Variants in SND1 observed in about 807,000 individuals in gnomAD.
SND1 encodes staphylococcal nuclease and tudor domain containing 1, also known as staphylococcal nuclease domain-containing protein 1.
SND1 carries 38 observed loss-of-function variants against 121.7 expected under a neutral mutation model. The ratio of observed to expected loss-of-function variants is 0.31; its 90% confidence interval spans 0.24 to 0.41. The LOEUF (loss-of-function observed/expected upper bound fraction) is 0.41, where lower values mean the gene tolerates loss of function less well. Ranked by LOEUF, SND1 falls within the 10% of genes least tolerant of loss-of-function variation. SND1 has a pLI of 1.00. For missense variants in SND1, 868 were observed against 1,184.6 expected (o/e 0.73, Z 3.92); for synonymous variants, 401 against 447.4 (o/e 0.90, Z 1.31).
At chr7:127,743,452 T>C (rs1160107719) in intron 10 of SND1, among the ~76,000 whole-genome samples, 1 of 152,226 alleles carries the variant, frequency 6.6e-6, no homozygotes. Context: ...AAGGTGATGC[T>C]TTTACTTTCT....
chr7:127,772,171 T>TAAAG (rs1055954858), intron 10 of SND1, among the ~76,000 whole-genome samples: 36 of 152,300 alleles, frequency 2.4e-4, no homozygotes, highest in African/African-American at 8.7e-4. Context: ...TTCACCAAAA[T>TAAAG]AAAGAAGGAA....
At chr7:127,922,076 G>T (rs997667870) in intron 14 of SND1, among the ~76,000 whole-genome samples, 1 of 150,466 alleles carries the variant, frequency 6.6e-6, no homozygotes, top group Non-Finnish European at 1.5e-5. Flanking sequence ...CTGTAGCCTC[G>T]ACCTCCCAGG....
At chr7:128,046,676 T>G (rs912045751) in intron 16 of SND1, among the ~76,000 whole-genome samples, 1 of 152,032 alleles carries the variant, frequency 6.6e-6, no homozygotes, top group African/African-American at 2.4e-5. Context: ...CCATGCTGGT[T>G]TAGAACTTCC....
intron 11 of SND1, among the ~76,000 whole-genome samples, chr7:127,815,074 G>A (rs573178805): frequency 3.9e-5 from 6 of 151,992 alleles, no homozygotes; most frequent in African/African-American, 1.4e-4. Flanking sequence ...TCTTCTTCTG[G>A]CAAAACTTAA....
At chr7:127,987,696 T>C (rs1206651779) in intron 15 of SND1, among the ~76,000 whole-genome samples, 1 of 152,194 alleles carries the variant, frequency 6.6e-6, no homozygotes, top group Non-Finnish European at 1.5e-5. Flanking sequence ...TCAATACCAG[T>C]GTTTTTCAAA....
intron 8 of SND1, among the ~76,000 whole-genome samples, chr7:127,706,865 G>A (rs1451154685): frequency 3.9e-5 from 6 of 152,132 alleles, no homozygotes; most frequent in Non-Finnish European, 8.8e-5. Flanking sequence ...TAAAACAAAA[G>A]ATTGCAATAC....
chr7:127,984,524 C>T (rs1802342076), intron 15 of SND1, among the ~76,000 whole-genome samples: 1 of 152,186 alleles, frequency 6.6e-6, no homozygotes, highest in African/African-American at 2.4e-5. Context: ...AGTTCATCAA[C>T]CATCTCTTTC....
At chr7:127,957,836 GAT>G (rs1801634994) in intron 15 of SND1, among the ~76,000 whole-genome samples, 1 of 152,164 alleles carries the variant, frequency 6.6e-6, no homozygotes. Flanking sequence ...AAGTAGCTGG[GAT>G]TACAGGCGCG....
At position 128,081,509 on chromosome 7, in the gene SND1, C is replaced by T. The variant is rs202010606; in HGVS notation, c.2110+8C>T. The T allele has an allele frequency of 3.8e-4, 606 of 1,613,422 alleles. 2 individuals carry two copies. Among genetic ancestry groups the T allele is most frequent in the Non-Finnish European group, 6.5e-5 (77 of 1,179,862 alleles). On this transcript the variant is annotated splice_region_variant and intron_variant, in intron 18 of 23. Transcript: ENST00000354725. ...TGCAGGATGTGGAGACCGGTGAGTG[C>T]TCAGGCCGCTGGCTCGTGGTTCCTG...
At chr7:127,715,164 GT>G (rs55679351) in intron 9 of SND1, among the ~76,000 whole-genome samples, 137,046 of 145,690 alleles carry the variant, frequency 0.94, 64,795 homozygotes, top group Non-Finnish European at 0.99. Context: ...TTTTGGTTTT[GT>G]TTTTTTTTTT....
At chr7:127,766,844 C>G (rs529953565) in intron 10 of SND1, among the ~76,000 whole-genome samples, 1 of 145,326 alleles carries the variant, frequency 6.9e-6, no homozygotes, top group East Asian at 2.1e-4. Flanking sequence ...TTGCTATTGC[C>G]AAAATTTGGT....
intron 7 of SND1, 145 bp downstream of exon 7, chr7:127,703,468 C>A (rs1392997367): frequency 1.1e-6 from 1 of 938,296 alleles, no homozygotes; most frequent in East Asian, 2.7e-5. Context: ...AATCCCACCA[C>A]TTTGGGAGGC....
At chr7:127,662,578 T>G (rs1042290085) in intron 1 of SND1, among the ~76,000 whole-genome samples, 4 of 152,236 alleles carry the variant, frequency 2.6e-5, no homozygotes, top group Non-Finnish European at 5.9e-5. Flanking sequence ...GGTGCTTTAC[T>G]TGTACCTTAG....
At chr7:127,990,612 A>T (rs1802499266) in intron 15 of SND1, among the ~76,000 whole-genome samples, 1 of 152,156 alleles carries the variant, frequency 6.6e-6, no homozygotes, top group South Asian at 2.1e-4. Flanking sequence ...AAGCTGCGAG[A>T]CTATGGGACC....
intron 12 of SND1, among the ~76,000 whole-genome samples, chr7:127,877,596 T>G (rs960440573): frequency 1.3e-5 from 2 of 152,128 alleles, no homozygotes; most frequent in African/African-American, 4.8e-5. Flanking sequence ...TCTATCATCC[T>G]TCTTATTTAT....
intron 1 of SND1, among the ~76,000 whole-genome samples, chr7:127,682,704 A>C (rs899777405): frequency 6.6e-6 from 1 of 152,184 alleles, no homozygotes; most frequent in Non-Finnish European, 1.5e-5. Context: ...GGTAAACAAC[A>C]TATTATACTT....
At chr7:128,032,263 C>T (rs1272935646) in intron 16 of SND1, among the ~76,000 whole-genome samples, 1 of 151,448 alleles carries the variant, frequency 6.6e-6, no homozygotes, top group Non-Finnish European at 1.5e-5. Flanking sequence ...CCTCCGGCCG[C>T]CCGTCTTCCT....
chr7:128,067,214 G>T lies in SND1; in HGVS notation c.1780-7288G>T, dbSNP rs73455786. ...ATGGAGAAACTAAGCCCAAAGAGAG[G>T]TGCAGTGTGCCCAGCCCATAAGAGG... On this transcript the variant is annotated intron_variant, in intron 16 of 23. Coordinates refer to ENST00000354725, the MANE Select transcript of SND1 (RefSeq NM_014390.4). 2.5e-3 allele frequency among the ~76,000 whole-genome samples: 386 copies of T among 152,254 alleles called. 1 individual carries two copies. Among genetic ancestry groups the T allele is most frequent in the African/African-American group, 8.4e-3 (350 of 41,538 alleles).
At chr7:127,897,271 C>A (rs564025876) in intron 13 of SND1, among the ~76,000 whole-genome samples, 4 of 152,176 alleles carry the variant, frequency 2.6e-5, no homozygotes, top group Middle Eastern at 3.4e-3. Flanking sequence ...TCCAGTAAGT[C>A]AGAATAAATA....
Sources: gnomAD v4.1 joint callset for allele counts (sites outside exome capture counted in the v4.1 genomes callset) on GRCh38, gnomAD v4.1.1 for gene constraint, MANE v1.5 for transcripts, NCBI Gene and HGNC (gene_info 2026-07-23, HGNC 2026-07-21) for gene names.